Variants in LPIN1 observed in about 807,000 individuals in gnomAD.
LPIN1 encodes phosphatidate phosphatase LPIN1.
A neutral mutation model predicts 107.5 loss-of-function variants in LPIN1; 71 were observed. The ratio of observed to expected loss-of-function variants is 0.66; its 90% CI spans 0.55 to 0.80. LPIN1 has a LOEUF of 0.80. LPIN1 is among the 30% of genes least tolerant of loss of function. LPIN1 has a pLI of 0.00. For missense variants in LPIN1, 1,043 were observed against 1,160.6 expected, an observed-to-expected ratio of 0.90 and a Z score of 1.47; for synonymous variants, 445 against 452.6, an observed-to-expected ratio of 0.98 and a Z score of 0.21.
In LPIN1 at chr2:11,774,031, G is replaced by A. The variant is rs1382265665; in HGVS notation, c.722+286G>A. Among the ~76,000 whole-genome samples the A allele has an allele frequency of 1.3e-5, 2 of 152,194 alleles. No homozygotes were observed. Among genetic ancestry groups the A allele is most frequent in the Non-Finnish European group, 2.9e-5 (2 of 68,032 alleles). On this transcript the variant is annotated intron_variant, in intron 5 of 20. Transcript: ENST00000674199. The surrounding 1 kb of genome is among the most constrained non-coding windows in gnomAD (Gnocchi z 4.4). The stretch of plus-strand genomic sequence containing the variant: ...TACATCATGCTAATTGTTAATAGGA[G>A]AAAACACAGTGGCAGAGCCTTTCTT...
chr2:11,732,879 T>TTC (rs1230955135), intron 1 of LPIN1, among the ~76,000 whole-genome samples: 3 of 149,570 alleles, frequency 2.0e-5, no homozygotes, highest in South Asian at 4.2e-4. Context: ...AAGTGTCCAT[T>TTC]TCTCTCTCTC....
rs147198025 is a variant in LPIN1 at position 11,784,236 on chromosome 2, G to A, written c.1358+314G>A. The A allele has an allele frequency of 7.4e-6, 7 of 949,920 alleles. No homozygotes were observed. The East Asian group carries it at 1.8e-4, about 24-fold the overall frequency. The allele number at this position is 949,920 out of a possible 1,614,324, so 58.8% of individuals were successfully genotyped here. On this transcript the variant is annotated intron_variant, in intron 9 of 20. Transcript: ENST00000674199. Reference sequence around the variant, plus strand: ...GGAGAATTGCTTGAATCCAGGAGGCGGAGGTTGCATTGAGCTGAGATCATG... The same window carrying A: ...GGAGAATTGCTTGAATCCAGGAGGCAGAGGTTGCATTGAGCTGAGATCATG...
chr2:11,765,448 TTGAAA>T lies in LPIN1; in HGVS notation c.-9-82_-9-78del. On this transcript the variant is annotated intron_variant, in intron 1 of 20. Transcript: ENST00000674199. This position sits in a 1 kb window ranked among gnomAD's most constrained non-coding sequence, Gnocchi z 4.4. ...AAAGTTGAGTGTGTAATCCACGTTT[TTGAAA>T]TGGTGAGGAGTTCATTTTGATTGGC... The T allele has an allele frequency of 7.7e-7, 1 of 1,304,008 alleles. No homozygotes were observed. Among genetic ancestry groups the T allele is most frequent in the Non-Finnish European group, 1.1e-6 (1 of 925,862 alleles). 80.8% of individuals were successfully genotyped at this position (1,304,008 alleles called of 1,614,324 possible). A position where few individuals can be genotyped will look rare whatever the true frequency, so the allele number is the denominator to read the frequency against.
chr2:11,737,981 C>G (rs895132854), intron 1 of LPIN1, among the ~76,000 whole-genome samples: 1 of 152,136 alleles, frequency 6.6e-6, no homozygotes, highest in African/African-American at 2.4e-5. Flanking sequence ...GACTTGGAAC[C>G]AACCCAAATG....
chr2:11,765,464 T>A lies in LPIN1; in HGVS notation c.-9-69T>A. 2.8e-6 allele frequency: 4 copies of A among 1,436,394 alleles called. No homozygotes were observed. Among genetic ancestry groups the A allele is most frequent in the Non-Finnish European group, 3.8e-6 (4 of 1,042,654 alleles). 89.0% of individuals were successfully genotyped at this position (1,436,394 alleles called of 1,614,324 possible). A position where few individuals can be genotyped will look rare whatever the true frequency, so the allele number is the denominator to read the frequency against. On this transcript the variant is annotated intron_variant, in intron 1 of 20. Coordinates refer to ENST00000674199, the MANE Select transcript of LPIN1 (RefSeq NM_001349206.2). The surrounding 1 kb of genome is among the most constrained non-coding windows in gnomAD (Gnocchi z 4.4). ...TCCACGTTTTTGAAATGGTGAGGAG[T>A]TCATTTTGATTGGCTCTTCCTTGGA...
upstream of LPIN1, among the ~76,000 whole-genome samples, chr2:11,720,514 C>A (rs1001887117): frequency 6.6e-6 from 1 of 151,990 alleles, no homozygotes; most frequent in East Asian, 1.9e-4. Flanking sequence ...ACTGACATAG[C>A]GGGGGAGGTT....
intron 3 of LPIN1, 35 bp downstream of exon 3, chr2:11,767,893 G>C: frequency 7.5e-7 from 1 of 1,335,674 alleles, no homozygotes. Context: ...TTACTTCCTA[G>C]TTTTGAGCTT....
At chr2:11,702,793 T>C (rs1244935224) in intron 1 of LPIN1, among the ~76,000 whole-genome samples, 2 of 152,202 alleles carry the variant, frequency 1.3e-5, no homozygotes, top group Non-Finnish European at 2.9e-5. Context: ...TGCCTCTCCC[T>C]GTCTCTCTGT....
chr2:11,823,736 G>A (rs1225252410), intron 20 of LPIN1, among the ~76,000 whole-genome samples: 1 of 152,196 alleles, frequency 6.6e-6, no homozygotes, highest in African/African-American at 2.4e-5. Flanking sequence ...ATTCAATATA[G>A]CAATAGCAAC....
chr2:11,740,216 T>C (rs979878434), intron 1 of LPIN1, among the ~76,000 whole-genome samples: 4 of 152,162 alleles, frequency 2.6e-5, no homozygotes, highest in African/African-American at 7.2e-5. Context: ...TTTTGTTCTA[T>C]TGAGGAATTC....
chr2:11,715,263 C>T (rs1053445318), intron 2 of LPIN1, among the ~76,000 whole-genome samples: 1 of 152,194 alleles, frequency 6.6e-6, no homozygotes, highest in East Asian at 1.9e-4. Flanking sequence ...TGTTTCCACC[C>T]CAGCTTCTGG....
Position 11,765,427 on chromosome 2 carries a change from T to C in LPIN1, c.-9-106T>C. 9.5e-7 allele frequency: 1 copy of C among 1,052,380 alleles called. No homozygotes were observed. Among genetic ancestry groups the C allele is most frequent in the African/African-American group, 1.6e-5 (1 of 63,486 alleles). 65.2% of individuals were successfully genotyped at this position (1,052,380 alleles called of 1,614,324 possible). A position where few individuals can be genotyped will look rare whatever the true frequency, so the allele number is the denominator to read the frequency against. On this transcript the variant is annotated intron_variant, in intron 1 of 20. Coordinates refer to ENST00000674199, the MANE Select transcript of LPIN1 (RefSeq NM_001349206.2). This position sits in a 1 kb window ranked among gnomAD's most constrained non-coding sequence, Gnocchi z 4.4. ...TTCCGGAAATGAGAGGAGCTGAAAG[T>C]TGAGTGTGTAATCCACGTTTTTGAA...
chr2:11,796,704 T>C (rs1676788639), intron 14 of LPIN1, among the ~76,000 whole-genome samples: 3 of 152,134 alleles, frequency 2.0e-5, no homozygotes, highest in African/African-American at 7.2e-5. Context: ...ATTTCCCAGC[T>C]GGGAATTCTG....
chr2:11,787,387 C>CTGTTGTTTTTTTTTTTT (rs1674777476), intron 11 of LPIN1, among the ~76,000 whole-genome samples: 1 of 131,620 alleles, frequency 7.6e-6, no homozygotes, highest in Non-Finnish European at 1.5e-5. Context: ...GTTTTCTTTT[C>CTGTTGTTTTTTTTTTTT]TTTTCTTTTT....
intron 14 of LPIN1, among the ~76,000 whole-genome samples, chr2:11,800,229 C>T (rs556155970): frequency 1.9e-4 from 29 of 152,174 alleles, no homozygotes; most frequent in South Asian, 1.0e-3. Context: ...CAAAGCCCAC[C>T]GACCTCCCTT....
chr2:11,789,357 G>A (rs116318089), intron 12 of LPIN1, among the ~76,000 whole-genome samples: 6,423 of 152,152 alleles, frequency 0.042, 446 homozygotes, highest in African/African-American at 0.15. Flanking sequence ...ATTTGCATGC[G>A]TGTGTGTGCG....
rs771546675 is a variant in LPIN1, at chr2:11,788,392, A to G, written c.1649A>G (p.Tyr550Cys). 1.9e-6 allele frequency: 3 copies of G among 1,612,928 alleles called. No homozygotes were observed. The highest frequency in any genetic ancestry group is 2.2e-5 in the South Asian group (2 of 91,076). ...ATTTCATTGTTTTGTGTTAGATATTATAACTGGACAACAGCAGCACCCCTC... is the reference window on the plus strand; with the variant it reads ...ATTTCATTGTTTTGTGTTAGATATTGTAACTGGACAACAGCAGCACCCCTC... Reference protein sequence around the residue: ...NLVVKIGSKYYNWTTAAPLLL... With the variant: ...NLVVKIGSKYCNWTTAAPLLL... Residue 550 changes from tyrosine (Y) to cysteine (C), a missense_variant, in exon 12 of 21, where the codon TAT becomes TGT. Tyr to Cys is a radical substitution (Grantham distance 194). Coordinates refer to ENST00000674199, the MANE Select transcript of LPIN1 (RefSeq NM_001349206.2).
intron 12 of LPIN1, among the ~76,000 whole-genome samples, chr2:11,789,454 ATGTG>A (rs1277683875): frequency 6.7e-6 from 1 of 149,364 alleles, no homozygotes; most frequent in African/African-American, 2.5e-5. Context: ...GCATGTGTAT[ATGTG>A]TGGATGTGCA....
chr2:11,726,564 T>C (rs1664681248), intron 1 of LPIN1, among the ~76,000 whole-genome samples: 2 of 152,106 alleles, frequency 1.3e-5, no homozygotes, highest in South Asian at 4.1e-4. Flanking sequence ...AAGAGCAGCT[T>C]CAGCCTCTCT....
Sources: allele counts gnomAD v4.1 joint callset (sites outside exome capture counted in the v4.1 genomes callset), GRCh38; gene constraint gnomAD v4.1.1; non-coding constraint Gnocchi (gnomAD v3.1); transcripts MANE v1.5; gene names NCBI Gene and HGNC (gene_info 2026-07-23, HGNC 2026-07-21).